TCEA3: variants seen among roughly 807,000 people sequenced by gnomAD.
TCEA3 encodes transcription elongation factor A protein 3.
A neutral mutation model predicts 44.0 loss-of-function variants in TCEA3; 36 were observed. That is an observed-to-expected ratio of 0.82 (90% CI 0.63 to 1.08). The LOEUF is 1.08. Among genes scored for constraint, TCEA3 ranks in the 50% least tolerant of loss-of-function variants. The pLI is 0.00. For synonymous variants in TCEA3, 162 were observed against 159.7 expected (o/e 1.01, Z -0.11); for missense variants, 392 against 441.2 (o/e 0.89, Z 1.00).
chr1:23,387,809 C>T (rs1284167232), intron 8 of TCEA3, among the ~76,000 whole-genome samples: 1 of 152,224 alleles, frequency 6.6e-6, no homozygotes, highest in Non-Finnish European at 1.5e-5. Context: ...TAGCCTTCCT[C>T]TCTAGACTTG....
intron 8 of TCEA3, among the ~76,000 whole-genome samples, chr1:23,389,587 G>A (rs1352986712): frequency 1.3e-5 from 2 of 151,960 alleles, no homozygotes; most frequent in African/African-American, 4.8e-5. Context: ...GAGGTGGAGG[G>A]TGCAGTGAGC....
chr1:23,415,220 A>G (rs1639855436), intron 4 of TCEA3, among the ~76,000 whole-genome samples: 1 of 151,486 alleles, frequency 6.6e-6, no homozygotes, highest in Admixed American at 6.6e-5. Flanking sequence ...ACGGGGTTTC[A>G]CCATCTTGGC....
At chr1:23,409,946 TTGTC>T (rs1309584069) in intron 4 of TCEA3, among the ~76,000 whole-genome samples, 2 of 152,034 alleles carry the variant, frequency 1.3e-5, no homozygotes, top group African/African-American at 4.8e-5. Flanking sequence ...GTGGTGAACA[TTGTC>T]TGTGCTCAGC....
chr1:23,400,889 T>C (rs1639378690), intron 5 of TCEA3, among the ~76,000 whole-genome samples: 1 of 152,204 alleles, frequency 6.6e-6, no homozygotes, highest in South Asian at 2.1e-4. Context: ...CCAGGCAGCC[T>C]TGGGGCCTGG....
intron 9 of TCEA3, among the ~76,000 whole-genome samples, chr1:23,385,072 A>C (rs1283380226): frequency 6.6e-6 from 1 of 152,150 alleles, no homozygotes; most frequent in Non-Finnish European, 1.5e-5. Context: ...CATTGGGACT[A>C]TTTAATGTTA....
chr1:23,385,169 T>C (rs1252771435), intron 9 of TCEA3, among the ~76,000 whole-genome samples: 1 of 152,206 alleles, frequency 6.6e-6, no homozygotes, highest in Non-Finnish European at 1.5e-5. Context: ...GTTTAACAGC[T>C]CCTGTTCTGG....
chr1:23,401,372 T>A (rs1461236065), intron 5 of TCEA3, among the ~76,000 whole-genome samples: 1 of 152,170 alleles, frequency 6.6e-6, no homozygotes, highest in Non-Finnish European at 1.5e-5. Flanking sequence ...TAATGCAGTT[T>A]GAAACTTACT....
intron 8 of TCEA3, among the ~76,000 whole-genome samples, chr1:23,391,121 T>C (rs1402343960): frequency 6.6e-6 from 1 of 151,172 alleles, no homozygotes; most frequent in African/African-American, 2.4e-5. Flanking sequence ...TTTTTCTGTT[T>C]TTTTTTCTTT....
At chr1:23,421,977 C>T (rs1640078216) in intron 1 of TCEA3, among the ~76,000 whole-genome samples, 1 of 152,140 alleles carries the variant, frequency 6.6e-6, no homozygotes, top group African/African-American at 2.4e-5. Flanking sequence ...TAAACAAAGC[C>T]TTGTGCAAAT....
rs1161007655 is a variant in TCEA3, at chr1:23,387,384, A to C, written c.855T>G (p.Asn285Lys). The C allele has an allele frequency of 6.2e-7, 1 of 1,610,390 alleles. No individual in the cohort carries two copies. Among genetic ancestry groups the C allele is most frequent in the African/African-American group, 1.3e-5 (1 of 74,864 alleles). Residue 285 changes from asparagine (N) to lysine (K), a missense_variant, in exon 9 of 11, where the codon AAT (asparagine) becomes AAG (lysine). Physicochemically the swap from Asn to Lys is moderately conservative, Grantham distance 94. Transcript: ENST00000450454. Reference protein sequence around the residue: ...MASDELRELRNAMTQEAIREH... With the variant: ...MASDELRELRKAMTQEAIREH... ...CACGGATGGCCTCCTGGGTCATGGC[A>C]TTCCTCAACTCCCTCAGTTCATCAC...
At chr1:23,393,183 A>G (rs374965164) in intron 8 of TCEA3, among the ~76,000 whole-genome samples, 1 of 152,194 alleles carries the variant, frequency 6.6e-6, no homozygotes, top group East Asian at 1.9e-4. Flanking sequence ...GCCGTCACTG[A>G]TCTGACAGGA....
chr1:23,398,072 G>T, intron 5 of TCEA3, 117 bp from the exon 6 acceptor site: 5 of 1,290,260 alleles, frequency 3.9e-6, no homozygotes, highest in Non-Finnish European at 5.4e-6. Flanking sequence ...ACCTCATGAG[G>T]TAGGTACTAT....
chr1:23,424,719 C>A lies in TCEA3; in HGVS notation c.-86G>T. 1 of 1,066,024 alleles carries A rather than the reference C, an allele frequency of 9.4e-7. No individual in the cohort carries two copies. Among genetic ancestry groups the A allele is most frequent in the South Asian group, 1.4e-5 (1 of 70,854 alleles). The allele number at this position is 1,066,024 out of a possible 1,614,324, so 66.0% of individuals were successfully genotyped here. ...AGGAGGCGCGAAGGCGGAGGGCGCG[C>A]AACCCGCGCGGGCCCCAAACACACA... On this transcript the variant is annotated 5_prime_UTR_variant, in exon 1 of 11. Coordinates refer to ENST00000450454, the MANE Select transcript of TCEA3 (RefSeq NM_003196.3).
At chr1:23,408,766 T>A in intron 4 of TCEA3, 40 bp from the exon 5 acceptor site, 1 of 1,543,656 alleles carries the variant, frequency 6.5e-7, no homozygotes, top group East Asian at 2.3e-5. Flanking sequence ...CTTTGTAGAC[T>A]AGCATCAGTA....
chr1:23,400,666 T>C (rs1226934773), intron 5 of TCEA3, among the ~76,000 whole-genome samples: 5 of 152,166 alleles, frequency 3.3e-5, no homozygotes, highest in Non-Finnish European at 7.3e-5. Flanking sequence ...CCAGCCCCTA[T>C]ATCTCTGTTG....
chr1:23,381,304 C>A lies in TCEA3; in HGVS notation c.*162G>T. 1 of 644,390 alleles carries A rather than the reference C, an allele frequency of 1.6e-6. No homozygotes were observed. Among genetic ancestry groups the A allele is most frequent in the South Asian group, 1.9e-5 (1 of 52,532 alleles). The allele number at this position is 644,390 out of a possible 1,614,324, so 39.9% of individuals were successfully genotyped here. On this transcript the variant is annotated 3_prime_UTR_variant, in exon 11 of 11. Coordinates refer to ENST00000450454, the MANE Select transcript of TCEA3 (RefSeq NM_003196.3). ...CCCATTAACCAATTGTTTCTAATGACCGATTATTAATTTGCAAGAGAATTC... is the reference window on the plus strand; with the variant it reads ...CCCATTAACCAATTGTTTCTAATGAACGATTATTAATTTGCAAGAGAATTC...
intron 8 of TCEA3, among the ~76,000 whole-genome samples, chr1:23,392,019 G>A (rs1438753916): frequency 2.0e-5 from 3 of 152,164 alleles, no homozygotes; most frequent in African/African-American, 7.2e-5. Context: ...CTGAACTGAC[G>A]AAAGACACAC....
chr1:23,389,493 A>AG (rs1433804198), intron 8 of TCEA3, among the ~76,000 whole-genome samples: 3 of 151,116 alleles, frequency 2.0e-5, no homozygotes, highest in Non-Finnish European at 4.4e-5. Context: ...CCATCAAAAA[A>AG]AAAAAAAAAG....
chr1:23,402,382 T>C (rs1002044468), intron 5 of TCEA3, among the ~76,000 whole-genome samples: 3 of 152,092 alleles, frequency 2.0e-5, no homozygotes, highest in Non-Finnish European at 4.4e-5. Flanking sequence ...CACCACAGCC[T>C]CCCAGCCCCT....
Sources: gnomAD v4.1 joint callset for allele counts (sites outside exome capture counted in the v4.1 genomes callset) on GRCh38, gnomAD v4.1.1 for gene constraint, MANE v1.5 for transcripts, NCBI Gene and HGNC (gene_info 2026-07-23, HGNC 2026-07-21) for gene names.